Variants in NRG3 observed in about 807,000 individuals in gnomAD.
The protein encoded by NRG3 is pro-neuregulin-3, membrane-bound isoform.
In NRG3, 31 loss-of-function variants were observed where a neutral mutation model predicts 66.9. The ratio of observed to expected loss-of-function variants is 0.46; its 90% CI spans 0.35 to 0.63. The LOEUF is 0.63. NRG3 is among the 20% of genes least tolerant of loss of function. The pLI is 0.00. For synonymous variants in NRG3, 393 were observed against 359.4 expected, an observed-to-expected ratio of 1.09 and a Z score of -1.06; for missense variants, 910 against 878.9, an observed-to-expected ratio of 1.04 and a Z score of -0.45.
chr10:82,255,692 T>A (rs577672358), intron 1 of NRG3, among the ~76,000 whole-genome samples: 229 of 152,232 alleles, frequency 1.5e-3, no homozygotes, highest in African/African-American at 5.3e-3. Flanking sequence ...AACCTCTGCC[T>A]CCTGGGTTCA....
At chr10:82,263,907 G>T (rs2078163877) in intron 1 of NRG3, among the ~76,000 whole-genome samples, 1 of 152,176 alleles carries the variant, frequency 6.6e-6, no homozygotes, top group Non-Finnish European at 1.5e-5. Flanking sequence ...GTTAAAGTTA[G>T]GATATACTGA....
intron 1 of NRG3, among the ~76,000 whole-genome samples, chr10:82,164,185 G>A (rs1388836701): frequency 5.3e-5 from 8 of 152,068 alleles, no homozygotes; most frequent in Admixed American, 5.2e-4. Context: ...CCAATGTGCT[G>A]GGATTACAGG....
intron 3 of NRG3, among the ~76,000 whole-genome samples, chr10:82,844,415 T>C (rs150885595): frequency 6.6e-6 from 1 of 152,310 alleles, no homozygotes; most frequent in East Asian, 1.9e-4. Flanking sequence ...AGTCCTGCCC[T>C]TGTTATCACT....
chr10:82,208,223 C>A (rs905639744), intron 1 of NRG3, among the ~76,000 whole-genome samples: 2 of 152,146 alleles, frequency 1.3e-5, no homozygotes, highest in Non-Finnish European at 2.9e-5. Flanking sequence ...CGAAGCCTTT[C>A]TGGACTCAGT....
At chr10:82,891,232 A>T (rs1355670456) in intron 4 of NRG3, among the ~76,000 whole-genome samples, 1 of 151,726 alleles carries the variant, frequency 6.6e-6, no homozygotes, top group Non-Finnish European at 1.5e-5. Flanking sequence ...GTATTGATAA[A>T]TATTTACATA....
At chr10:82,487,947 A>G (rs1363080980) in intron 2 of NRG3, among the ~76,000 whole-genome samples, 1 of 152,224 alleles carries the variant, frequency 6.6e-6, no homozygotes, top group Non-Finnish European at 1.5e-5. Context: ...TGTTTAGCAG[A>G]CAATTCTCAA....
At chr10:82,093,762 G>C (rs2132022077) in intron 1 of NRG3, among the ~76,000 whole-genome samples, 1 of 152,224 alleles carries the variant, frequency 6.6e-6, no homozygotes, top group African/African-American at 2.4e-5. Flanking sequence ...TACATATCTA[G>C]ATGATTAAAT....
intron 1 of NRG3, among the ~76,000 whole-genome samples, chr10:82,098,748 T>G (rs929887857): frequency 5.2e-4 from 79 of 152,184 alleles, no homozygotes; most frequent in Admixed American, 1.7e-3. Flanking sequence ...CTTATTTATT[T>G]ATTTAGATAG....
chr10:82,862,779 G>A (rs2064200887), intron 3 of NRG3, among the ~76,000 whole-genome samples: 1 of 152,136 alleles, frequency 6.6e-6, no homozygotes, highest in Admixed American at 6.6e-5. Context: ...AGAAGTCAAC[G>A]ACCTGAACAA....
chr10:82,364,841 A>G (rs1260621333), intron 2 of NRG3, among the ~76,000 whole-genome samples: 1 of 152,190 alleles, frequency 6.6e-6, no homozygotes, highest in Non-Finnish European at 1.5e-5. Flanking sequence ...ACAGCCCAAT[A>G]GCTACCATTG....
rs138636239 is a variant in NRG3 at position 82,086,926 on chromosome 10, A to G, written c.823+210763A>G. ...GACAATAGTAAGGGAAGGCTGGACA[A>G]TCTGGAAGGATGGGTAAGGCTTAGC... On this transcript the variant is annotated intron_variant, in intron 1 of 8. Transcript: ENST00000372141. 6.7e-3 allele frequency among the ~76,000 whole-genome samples: 1,020 copies of G among 152,246 alleles called. 4 individuals are homozygous for G. The highest frequency in any genetic ancestry group is 0.01 in the Non-Finnish European group (700 of 68,014).
chr10:82,444,072 C>T (rs2090584680), intron 2 of NRG3, among the ~76,000 whole-genome samples: 2 of 152,150 alleles, frequency 1.3e-5, no homozygotes, highest in Non-Finnish European at 2.9e-5. Flanking sequence ...AATAAATTAA[C>T]ATGTTCATTC....
At chr10:82,209,274 A>G (rs1589321873) in intron 1 of NRG3, among the ~76,000 whole-genome samples, 1 of 152,158 alleles carries the variant, frequency 6.6e-6, no homozygotes, top group Non-Finnish European at 1.5e-5. Flanking sequence ...AATGCCATCT[A>G]TTTACCAAAA....
At chr10:82,153,722 CTTA>C (rs748751483) in intron 1 of NRG3, among the ~76,000 whole-genome samples, 8 of 151,886 alleles carry the variant, frequency 5.3e-5, no homozygotes, top group Non-Finnish European at 1.2e-4. Flanking sequence ...CTTGCCATCA[CTTA>C]TTATCTTTCG....
chr10:81,910,047 AC>A (rs1844976429), intron 1 of NRG3, among the ~76,000 whole-genome samples: 1 of 152,226 alleles, frequency 6.6e-6, no homozygotes, highest in Non-Finnish European at 1.5e-5. Flanking sequence ...AATTTTAAAA[AC>A]ATCTAAACTC....
chr10:82,881,946 C>T (rs1262964333), intron 4 of NRG3, among the ~76,000 whole-genome samples: 2 of 152,180 alleles, frequency 1.3e-5, no homozygotes, highest in South Asian at 2.1e-4. Flanking sequence ...GAGTCTTCCT[C>T]GTTTTTGCCC....
At chr10:82,310,103 C>G (rs2080944605) in intron 1 of NRG3, among the ~76,000 whole-genome samples, 2 of 152,170 alleles carry the variant, frequency 1.3e-5, no homozygotes, top group African/African-American at 4.8e-5. Flanking sequence ...TCCAGTCTCT[C>G]CCTCCCATCC....
intron 2 of NRG3, among the ~76,000 whole-genome samples, chr10:82,682,946 A>ACTTTTTTTTTTTTTTTTTTTTT (rs2054216105): frequency 1.5e-5 from 1 of 65,334 alleles, no homozygotes; most frequent in African/African-American, 6.4e-5. Flanking sequence ...CCATGTCTTA[A>ACTTTTTTTTTTTTTTTTTTTTT]TTTTTTTTTT....
At chr10:82,960,463 AT>A (rs34802482) in intron 6 of NRG3, among the ~76,000 whole-genome samples, 52,964 of 137,238 alleles carry the variant, frequency 0.39, 9,522 homozygotes, top group Middle Eastern at 0.5. Context: ...AAATGGCTGG[AT>A]TTTTTTTTTT....
Sources: gnomAD v4.1 joint callset for allele counts (sites outside exome capture counted in the v4.1 genomes callset) on GRCh38, gnomAD v4.1.1 for gene constraint, MANE v1.5 for transcripts, NCBI Gene and HGNC (gene_info 2026-07-23, HGNC 2026-07-21) for gene names.